TBL1X: variants seen among roughly 807,000 people sequenced by gnomAD.
The protein encoded by TBL1X is transducin beta like 1 X-linked.
Under a neutral mutation model 50.7 loss-of-function variants are expected in TBL1X, and 10 were observed. The observed-to-expected ratio is 0.20, with a 90% CI of 0.12 to 0.33. TBL1X has a LOEUF of 0.33. TBL1X is among the 10% of genes least tolerant of loss of function. The pLI is 1.00. For missense variants in TBL1X, 340 were observed against 504.4 expected (o/e 0.67, Z 3.12); for synonymous variants, 190 against 214.7 (o/e 0.88, Z 1.01).
chrX:9,563,124 C>T (rs1172797454), intron 2 of TBL1X, among the ~76,000 whole-genome samples: 1 of 112,646 alleles, frequency 8.9e-6, no homozygotes, highest in Non-Finnish European at 1.9e-5. Flanking sequence ...CCACAGCTTG[C>T]GGAAAGACAC....
At chrX:9,694,037 C>T (rs1300247991) in intron 11 of TBL1X, among the ~76,000 whole-genome samples, 7 of 110,202 alleles carry the variant, frequency 6.4e-5, no homozygotes, top group Admixed American at 9.6e-5. Context: ...AGTAAGGGGA[C>T]GCAGACTCCA....
chrX:9,665,540 A>ATATAT lies in TBL1X; in HGVS notation c.211+11218_211+11219insTATAT, dbSNP rs1569091686. 3.6e-4 allele frequency among the ~76,000 whole-genome samples: 12 copies of ATATAT among 32,953 alleles called. 2 individuals are homozygous for ATATAT. Among genetic ancestry groups the ATATAT allele is most frequent in the African/African-American group, 1.2e-3 (11 of 8,874 alleles). The allele number at this position is 32,953 out of a possible 115,157, so 28.6% of individuals were successfully genotyped here. The stretch of plus-strand genomic sequence containing the variant: ...ATATATATATATATATATATATATA[A>ATATAT]AAGGCCTTGGTGCTTTTTCGCTTCT... On this transcript the variant is annotated intron_variant, in intron 5 of 17. Transcript: ENST00000645353.
chrX:9,491,326 ATATATATATATAT>A (rs1394842559), intron 1 of TBL1X, among the ~76,000 whole-genome samples: 288 of 29,322 alleles, frequency 9.8e-3, no homozygotes, highest in South Asian at 0.022. Context: ...ATATATATAT[ATATATATATATAT>A]TTTTTTTTTT....
intron 2 of TBL1X, among the ~76,000 whole-genome samples, chrX:9,565,226 G>A (rs1423434769): frequency 4.6e-5 from 4 of 87,880 alleles, no homozygotes; most frequent in Non-Finnish European, 6.3e-5. Context: ...GAGCCAAGAT[G>A]GCGCCACTGC....
At chrX:9,568,987 C>T (rs986544599) in intron 2 of TBL1X, among the ~76,000 whole-genome samples, 6 of 104,034 alleles carry the variant, frequency 5.8e-5, no homozygotes, top group Admixed American at 3.1e-4. Context: ...GTGCTCTGTG[C>T]GGTGTGCTGT....
intron 1 of TBL1X, among the ~76,000 whole-genome samples, chrX:9,480,757 A>AACC (rs2081877214): frequency 6.4e-5 from 3 of 46,901 alleles, no homozygotes; most frequent in East Asian, 7.2e-4. Flanking sequence ...AAATTAAGCC[A>AACC]CCCCCCCCCC....
rs145411823 is a variant in TBL1X at position 9,688,070 on chromosome X, C to G, written c.411C>G (p.Ala137=). The change falls in exon 7 of 18, where the codon GCC becomes GCG. Residue 137 remains alanine (A), a synonymous_variant. Coordinates refer to ENST00000645353, the MANE Select transcript of TBL1X (RefSeq NM_005647.4). The part of the protein sequence containing the change: ...RPIESLSLID[A]VMPDVVQTRQ... ...TAGAGTCCCTGTCACTGATAGACGC[C>G]GTGATGCCCGACGTGGTGCAGACGC... 17 of 1,209,650 alleles carry G rather than the reference C, an allele frequency of 1.4e-5. No homozygotes were observed. The highest frequency in any genetic ancestry group is 1.7e-5 in the Non-Finnish European group (15 of 894,922).
At chrX:9,592,428 A>G (rs1483351179) in intron 2 of TBL1X, among the ~76,000 whole-genome samples, 1 of 112,053 alleles carries the variant, frequency 8.9e-6, no homozygotes, top group Non-Finnish European at 1.9e-5. Context: ...TGACCACGTT[A>G]CTAAAACTTT....
At position 9,577,825 on chromosome X, in the gene TBL1X, T is replaced by C. The variant is rs748262761; in HGVS notation, c.-130-62448T>C. Among the ~76,000 whole-genome samples, 8 of 112,507 alleles carry C rather than the reference T, an allele frequency of 7.1e-5. No individual in the cohort carries two copies. The South Asian group carries it at 3.0e-3, about 42-fold the overall frequency. ...AGCCAAGTGTCTGAGTCCATGGAGCTTCTCGGGCAGTGTTCTCTTTTCTCT... is the reference window on the plus strand; with the variant it reads ...AGCCAAGTGTCTGAGTCCATGGAGCCTCTCGGGCAGTGTTCTCTTTTCTCT... On this transcript the variant is annotated intron_variant, in intron 2 of 17. Coordinates refer to ENST00000645353, the MANE Select transcript of TBL1X (RefSeq NM_005647.4).
intron 1 of TBL1X, among the ~76,000 whole-genome samples, chrX:9,495,546 G>A (rs1404220599): frequency 9.0e-6 from 1 of 111,280 alleles, no homozygotes; most frequent in Non-Finnish European, 1.9e-5. Flanking sequence ...TACACAGTGA[G>A]GCTTCTGCGA....
chrX:9,471,592 A>G (rs947464865), intron 1 of TBL1X, among the ~76,000 whole-genome samples: 1 of 112,000 alleles, frequency 8.9e-6, no homozygotes, highest in Admixed American at 9.5e-5. Flanking sequence ...GTAAACATTG[A>G]TAAGTTAGTT....
At chrX:9,464,461 G>A (rs1279412361), upstream of TBL1X, among the ~76,000 whole-genome samples, 3 of 111,505 alleles carry the variant, frequency 2.7e-5, no homozygotes, top group Non-Finnish European at 3.8e-5. Context: ...TTTGAGCTGG[G>A]GTAAAGACTA....
At chrX:9,711,883 C>A in intron 16 of TBL1X, 107 bp downstream of exon 16, 1 of 907,438 alleles carries the variant, frequency 1.1e-6, no homozygotes, top group Non-Finnish European at 1.5e-6. Context: ...GTTGAGCAAG[C>A]TCAGGCTCCC....
At chrX:9,482,112 G>A (rs1226942834) in intron 1 of TBL1X, among the ~76,000 whole-genome samples, 2 of 95,485 alleles carry the variant, frequency 2.1e-5, no homozygotes, top group African/African-American at 7.8e-5. Context: ...GGACTGAATC[G>A]TGAATTCTTT....
chrX:9,708,636 C>T (rs1274571667), intron 13 of TBL1X, among the ~76,000 whole-genome samples: 1 of 103,884 alleles, frequency 9.6e-6, no homozygotes, highest in African/African-American at 3.6e-5. Context: ...AATCCCAGCA[C>T]TTTGGGAGGT....
chrX:9,654,330 G>A lies in TBL1X; in HGVS notation c.211+8G>A, dbSNP rs368960787. 2.5e-6 allele frequency: 3 copies of A among 1,206,366 alleles called. No homozygotes were observed. The African/African-American group carries it at 5.3e-5, about 21-fold the overall frequency. ...GGTATCTCCAGGAGTCAGGTAAGAG[G>A]CTTGGTTTTCTGTCGGTAGGAAATT... On this transcript the variant is annotated splice_region_variant and intron_variant, in intron 5 of 17. Coordinates refer to ENST00000645353, the MANE Select transcript of TBL1X (RefSeq NM_005647.4).
In TBL1X at chrX:9,576,121, C is replaced by T. The variant is rs139788099; in HGVS notation, c.-130-64152C>T. Among the ~76,000 whole-genome samples the T allele has an allele frequency of 7.5e-3, 831 of 111,468 alleles. 5 individuals carry two copies. The highest frequency in any genetic ancestry group is 0.026 in the African/African-American group (798 of 30,619). ...TGCTTTTAAGTATGTTTTGATATTC[C>T]CCCCCCTCCTCCCAAAGTGTAGCAT... On this transcript the variant is annotated intron_variant, in intron 2 of 17. Transcript: ENST00000645353.
At chrX:9,706,321 C>T (rs1382142448) in intron 13 of TBL1X, among the ~76,000 whole-genome samples, 3 of 111,045 alleles carry the variant, frequency 2.7e-5, no homozygotes, top group African/African-American at 9.8e-5. Flanking sequence ...TATCAGAGAC[C>T]CTAAACCTAT....
intron 2 of TBL1X, among the ~76,000 whole-genome samples, chrX:9,586,253 G>A (rs1880970204): frequency 8.9e-6 from 1 of 112,446 alleles, no homozygotes; most frequent in Non-Finnish European, 1.9e-5. Context: ...ATGTCCCTCA[G>A]CAGATGACTG....
Sources: gnomAD v4.1 joint callset for allele counts (sites outside exome capture counted in the v4.1 genomes callset) on GRCh38, gnomAD v4.1.1 for gene constraint, MANE v1.5 for transcripts, NCBI Gene and HGNC (gene_info 2026-07-23, HGNC 2026-07-21) for gene names.